The following COL13A1 variants were observed in gnomAD, a reference collection of about 807,000 sequenced individuals.
The protein encoded by COL13A1 is collagen type XIII alpha 1 chain, also known as collagen alpha-1(XIII) chain.
A neutral mutation model predicts 130.9 loss-of-function variants in COL13A1; 89 were observed. That is an observed-to-expected ratio of 0.68 (90% CI 0.57 to 0.81). COL13A1 has a LOEUF of 0.81. COL13A1 is among the 30% of genes least tolerant of loss of function. The probability of loss-of-function intolerance (pLI) is 0.00; values close to 1 mark genes in which losing one functional copy is unlikely to be tolerated. For synonymous variants in COL13A1, 402 were observed against 341.6 expected (o/e 1.18, Z -1.95); for missense variants, 879 against 934.6 (o/e 0.94, Z 0.78).
At chr10:69,892,117 T>A (rs1475416835) in intron 10 of COL13A1, among the ~76,000 whole-genome samples, 1 of 152,112 alleles carries the variant, frequency 6.6e-6, no homozygotes, top group African/African-American at 2.4e-5. Context: ...TGAGCCCACA[T>A]CAGTGGGATA....
At chr10:69,933,254 A>G (rs1409383273) in intron 31 of COL13A1, among the ~76,000 whole-genome samples, 1 of 150,930 alleles carries the variant, frequency 6.6e-6, no homozygotes. Flanking sequence ...ATCCCAAAAG[A>G]CTTTCTATTT....
intron 23 of COL13A1, among the ~76,000 whole-genome samples, chr10:69,923,069 G>GCA (rs1027636910): frequency 2.6e-5 from 4 of 152,186 alleles, no homozygotes; most frequent in Non-Finnish European, 5.9e-5. Context: ...GAGTCAGGGC[G>GCA]CAATGGCTGC....
chr10:69,951,390 T>G (rs2069543023), intron 38 of COL13A1, among the ~76,000 whole-genome samples: 1 of 152,132 alleles, frequency 6.6e-6, no homozygotes, highest in Non-Finnish European at 1.5e-5. Context: ...GACAGGGTCT[T>G]GCTTTGTTGC....
intron 40 of COL13A1, among the ~76,000 whole-genome samples, chr10:69,957,392 G>A (rs1052302813): frequency 3.9e-5 from 6 of 152,148 alleles, no homozygotes; most frequent in South Asian, 4.1e-4. Flanking sequence ...TTTATGCCAC[G>A]TGATGACATG....
At chr10:69,835,720 G>T (rs1849871593) in intron 2 of COL13A1, among the ~76,000 whole-genome samples, 1 of 152,222 alleles carries the variant, frequency 6.6e-6, no homozygotes, top group African/African-American at 2.4e-5. Flanking sequence ...GCCCCCCAGG[G>T]ACCCAAGTGC....
chr10:69,802,577 C>T lies in COL13A1; in HGVS notation c.154C>T (p.Leu52Phe). 6.2e-7 allele frequency: 1 copy of T among 1,611,760 alleles called. No individual in the cohort carries two copies. The highest frequency in any genetic ancestry group is 1.3e-5 in the African/African-American group (1 of 74,868). Residue 52 changes from leucine to phenylalanine, a missense_variant, in exon 1 of 41, where the codon CTC becomes TTC. Coordinates refer to ENST00000645393, the MANE Select transcript of COL13A1 (RefSeq NM_001368882.1). The stretch of plus-strand genomic sequence containing the variant: ...GTCGTGCGGGCTGCTGACGCTGGCC[C>T]TCTGCTCGCTGGCACTCAGCCTGCT... ...PGSCGLLTLALCSLALSLLAH... is the reference protein window; with the variant it reads ...PGSCGLLTLAFCSLALSLLAH...
Position 69,897,733 on chromosome 10 carries a change from A to G in COL13A1, c.685-964A>G, listed in dbSNP as rs10762322. Reference sequence around the variant, plus strand: ...CCCCAGCTGGGCGCATTCGCAGCCCAAGCAGCTCCTGGTTCTTAACACTCA... The same window carrying G: ...CCCCAGCTGGGCGCATTCGCAGCCCGAGCAGCTCCTGGTTCTTAACACTCA... On this transcript the variant is annotated intron_variant, in intron 13 of 40. Coordinates refer to ENST00000645393, the MANE Select transcript of COL13A1 (RefSeq NM_001368882.1). Among the ~76,000 whole-genome samples the G allele has an allele frequency of 0.64, 96,921 of 152,102 alleles. 33,178 individuals are homozygous for G. The highest frequency in any genetic ancestry group is 0.95 in the East Asian group (4,871 of 5,144).
intron 30 of COL13A1, 98 bp downstream of exon 30, chr10:69,930,650 C>A: frequency 7.3e-7 from 1 of 1,362,052 alleles, no homozygotes; most frequent in South Asian, 1.5e-5. Context: ...TGAGCTGCTG[C>A]CTGGGCTAGA....
intron 38 of COL13A1, among the ~76,000 whole-genome samples, chr10:69,950,161 TG>T (rs1203830496): frequency 6.6e-6 from 1 of 152,106 alleles, no homozygotes; most frequent in Non-Finnish European, 1.5e-5. Flanking sequence ...CCTCACCAGC[TG>T]TCAGTTTATC....
At position 69,802,402 on chromosome 10, in the gene COL13A1, T is replaced by C. The variant is rs1342403470; in HGVS notation, c.-22T>C. The C allele has an allele frequency of 6.9e-7, 1 of 1,456,580 alleles. No homozygotes were observed. The highest frequency in any genetic ancestry group is 9.0e-7 in the Non-Finnish European group (1 of 1,113,364). The allele number at this position is 1,456,580 out of a possible 1,614,324, so 90.2% of individuals were successfully genotyped here. Reference sequence around the variant, plus strand: ...TTTATTTATTCTATTTATTTATTTATTGGTTCTCAAGACGCGAGAGGATGG... The same window carrying C: ...TTTATTTATTCTATTTATTTATTTACTGGTTCTCAAGACGCGAGAGGATGG... On this transcript the variant is annotated 5_prime_UTR_variant, in exon 1 of 41. Coordinates refer to ENST00000645393, the MANE Select transcript of COL13A1 (RefSeq NM_001368882.1).
chr10:69,875,200 T>C (rs2059457345), intron 5 of COL13A1, 37 bp downstream of exon 5: 4 of 1,613,334 alleles, frequency 2.5e-6, no homozygotes, highest in Non-Finnish European at 2.5e-6. Flanking sequence ...AGGTGGCCAT[T>C]GCTTGCTTCT....
intron 22 of COL13A1, 78 bp from the exon 23 acceptor site, chr10:69,922,630 C>A: frequency 9.8e-7 from 1 of 1,024,152 alleles, no homozygotes; most frequent in Non-Finnish European, 1.4e-6. Flanking sequence ...CTGGGGCCCA[C>A]ACCCCATAGT....
At position 69,890,711 on chromosome 10, in the gene COL13A1, C is replaced by T. The variant is rs573543068; in HGVS notation, c.603+1271C>T. 6.6e-4 allele frequency among the ~76,000 whole-genome samples: 101 copies of T among 152,352 alleles called. 1 individual carries two copies. Among genetic ancestry groups the T allele is most frequent in the African/African-American group, 2.2e-3 (90 of 41,580 alleles). ...CCTAACTTGCCAGCTCCCTCTGGGC[C>T]CCAACCTGTCCTCTTGACTCAGATC... On this transcript the variant is annotated intron_variant, in intron 10 of 40. Coordinates refer to ENST00000645393, the MANE Select transcript of COL13A1 (RefSeq NM_001368882.1).
chr10:69,824,240 T>G, intron 2 of COL13A1: 1 of 439,624 alleles, frequency 2.3e-6, no homozygotes, highest in Non-Finnish European at 4.7e-6. Context: ...CTAGTAAGCA[T>G]GATTATGATT....
chr10:69,872,411 G>T (rs904450937), intron 4 of COL13A1, among the ~76,000 whole-genome samples: 1 of 152,214 alleles, frequency 6.6e-6, no homozygotes, highest in East Asian at 1.9e-4. Flanking sequence ...CCCTGCTGGG[G>T]CATCTTTAGC....
intron 1 of COL13A1, among the ~76,000 whole-genome samples, chr10:69,820,628 T>C (rs2132559997): frequency 6.6e-6 from 1 of 152,356 alleles, no homozygotes; most frequent in African/African-American, 2.4e-5. Context: ...CACCTGTACC[T>C]TGGCCTCAAC....
chr10:69,917,396 T>C, intron 18 of COL13A1, 63 bp downstream of exon 18: 1 of 1,432,746 alleles, frequency 7.0e-7, no homozygotes, highest in Admixed American at 1.8e-5. Flanking sequence ...CCCATCCCTC[T>C]CTCCTCAGCT....
chr10:69,945,304 G>A (rs2068328854), intron 36 of COL13A1, among the ~76,000 whole-genome samples: 1 of 152,256 alleles, frequency 6.6e-6, no homozygotes, highest in East Asian at 1.9e-4. Flanking sequence ...TCTGAGAGGT[G>A]ACCCTTGAGG....
At chr10:69,938,550 C>T (rs1009304044) in intron 34 of COL13A1, among the ~76,000 whole-genome samples, 2 of 152,156 alleles carry the variant, frequency 1.3e-5, no homozygotes, top group Non-Finnish European at 2.9e-5. Context: ...AGAGGCTGAT[C>T]TGAGGCCATG....
Sources: gnomAD v4.1 joint callset for allele counts (sites outside exome capture counted in the v4.1 genomes callset) on GRCh38, gnomAD v4.1.1 for gene constraint, MANE v1.5 for transcripts, NCBI Gene and HGNC (gene_info 2026-07-23, HGNC 2026-07-21) for gene names.